DLGAP4: variants seen among roughly 807,000 people sequenced by gnomAD.
DLGAP4 encodes DLG associated protein 4, also known as disks large-associated protein 4.
In DLGAP4, 18 loss-of-function variants were observed where a neutral mutation model predicts 86.9. That is an observed-to-expected ratio of 0.21 (90% CI 0.14 to 0.31). The LOEUF is 0.31. Among genes scored for constraint, DLGAP4 ranks in the 10% least tolerant of loss-of-function variants. The pLI is 1.00. For missense variants in DLGAP4, 1,085 were observed against 1,362.6 expected (o/e 0.80, Z 3.21); for synonymous variants, 548 against 574.3 (o/e 0.95, Z 0.65).
intron 7 of DLGAP4, among the ~76,000 whole-genome samples, chr20:36,450,930 A>G (rs965576114): frequency 1.3e-5 from 2 of 152,220 alleles, no homozygotes; most frequent in East Asian, 1.9e-4. Flanking sequence ...TTGATCTTCT[A>G]GTCTACTGTT....
intron 7 of DLGAP4, among the ~76,000 whole-genome samples, chr20:36,464,028 C>T (rs2034226026): frequency 6.6e-6 from 1 of 152,218 alleles, no homozygotes; most frequent in African/African-American, 2.4e-5. Context: ...TGTATAATGA[C>T]AATCTCTAAC....
chr20:36,435,048 G>C (rs899740667), intron 3 of DLGAP4, among the ~76,000 whole-genome samples: 2 of 151,946 alleles, frequency 1.3e-5, no homozygotes, highest in African/African-American at 4.8e-5. Context: ...TGGGAAGGTG[G>C]GTGTGCTCTG....
intron 1 of DLGAP4, among the ~76,000 whole-genome samples, chr20:36,320,713 C>T (rs2065159552): frequency 6.6e-6 from 1 of 152,158 alleles, no homozygotes; most frequent in South Asian, 2.1e-4. Flanking sequence ...TGCCCACCTG[C>T]CTGGGACCTC....
chr20:36,432,820 G>C lies in DLGAP4; in HGVS notation c.999+104G>C. The C allele has an allele frequency of 7.0e-7, 1 of 1,422,296 alleles. No homozygotes were observed. Among genetic ancestry groups the C allele is most frequent in the South Asian group, 1.4e-5 (1 of 72,968 alleles). The allele number at this position is 1,422,296 out of a possible 1,614,324, so 88.1% of individuals were successfully genotyped here. A position where few individuals can be genotyped will look rare whatever the true frequency, so the allele number is the denominator to read the frequency against. On this transcript the variant is annotated intron_variant, in intron 3 of 12. Coordinates refer to ENST00000339266, the MANE Select transcript of DLGAP4 (RefSeq NM_001365621.2). The surrounding 1 kb of genome is among the most constrained non-coding windows in gnomAD (Gnocchi z 6.5). ...TTCACTTGGAAAGTCACTTCATTCT[G>C]GGCCTCTGTGGCTCAGCTATAAAAT...
intron 7 of DLGAP4, among the ~76,000 whole-genome samples, chr20:36,452,164 C>A (rs139305282): frequency 6.6e-6 from 1 of 152,208 alleles, no homozygotes; most frequent in Non-Finnish European, 1.5e-5. Flanking sequence ...TTCCTCTAAA[C>A]GCTCCTTGAA....
At chr20:36,447,907 G>C (rs946092043) in intron 7 of DLGAP4, among the ~76,000 whole-genome samples, 3 of 130,188 alleles carry the variant, frequency 2.3e-5, no homozygotes, top group African/African-American at 2.8e-5. Context: ...GGGGTGGGGG[G>C]GGGGGAGACA....
At chr20:36,505,065 G>A (rs982568564) in intron 10 of DLGAP4, among the ~76,000 whole-genome samples, 1 of 151,072 alleles carries the variant, frequency 6.6e-6, no homozygotes, top group Non-Finnish European at 1.5e-5. Flanking sequence ...TTGGCTCACT[G>A]CAACCTCCGC....
chr20:36,505,063 C>T (rs2036303030), intron 10 of DLGAP4, among the ~76,000 whole-genome samples: 1 of 151,936 alleles, frequency 6.6e-6, no homozygotes, highest in South Asian at 2.1e-4. Flanking sequence ...TCTTGGCTCA[C>T]TGCAACCTCC....
intron 1 of DLGAP4, among the ~76,000 whole-genome samples, chr20:36,365,013 T>G (rs1555894523): frequency 1.3e-5 from 2 of 152,216 alleles, no homozygotes; most frequent in Non-Finnish European, 2.9e-5. Flanking sequence ...GAGGGTCGCT[T>G]GAGCCCAGAA....
At chr20:36,404,198 C>T (rs535358508) in intron 2 of DLGAP4, among the ~76,000 whole-genome samples, 186 of 152,318 alleles carry the variant, frequency 1.2e-3, no homozygotes, top group African/African-American at 4.2e-3. Context: ...GATGTCCACT[C>T]TAAACCTCAG....
At chr20:36,315,048 GCGCCCCCCC>G (rs1569451845) in intron 1 of DLGAP4, among the ~76,000 whole-genome samples, 18 of 4,314 alleles carry the variant, frequency 4.2e-3, no homozygotes, top group Middle Eastern at 0.12. Flanking sequence ...GTGGTGTGTT[GCGCCCCCCC>G]GTGTGTGGTG....
chr20:36,325,719 CTTT>C (rs150878228), intron 1 of DLGAP4, among the ~76,000 whole-genome samples: 1 of 142,338 alleles, frequency 7.0e-6, no homozygotes. Flanking sequence ...ACAAAATATA[CTTT>C]TTTTTTTTTT....
At chr20:36,481,313 A>C (rs1250344593) in intron 7 of DLGAP4, among the ~76,000 whole-genome samples, 1 of 152,048 alleles carries the variant, frequency 6.6e-6, no homozygotes, top group Admixed American at 6.6e-5. Context: ...TTGTAGTGTG[A>C]CCCTCTGGGG....
At chr20:36,385,221 G>A (rs972677753) in intron 2 of DLGAP4, among the ~76,000 whole-genome samples, 1 of 152,138 alleles carries the variant, frequency 6.6e-6, no homozygotes, top group Non-Finnish European at 1.5e-5. Flanking sequence ...CTGTGTGTCA[G>A]AGACCCAAGA....
At chr20:36,524,150 TCTACCCTAA>T in intron 10 of DLGAP4, 91 bp from the exon 11 acceptor site, 1 of 892,326 alleles carries the variant, frequency 1.1e-6, no homozygotes, top group Non-Finnish European at 1.9e-6. Context: ...AATAATGAGT[TCTACCCTAA>T]GGGAGTGTGG....
intron 2 of DLGAP4, among the ~76,000 whole-genome samples, chr20:36,406,672 G>A (rs1444054816): frequency 2.0e-5 from 3 of 152,128 alleles, no homozygotes; most frequent in Non-Finnish European, 4.4e-5. Context: ...GGTTCCCAAC[G>A]CTAGAACACA....
chr20:36,348,326 T>G (rs2147384630), intron 1 of DLGAP4, among the ~76,000 whole-genome samples: 1 of 152,356 alleles, frequency 6.6e-6, no homozygotes, highest in East Asian at 1.9e-4. Context: ...AAATATTTAG[T>G]AAGCATTTAC....
chr20:36,346,036 T>A (rs534010855), intron 1 of DLGAP4, among the ~76,000 whole-genome samples: 1 of 152,294 alleles, frequency 6.6e-6, no homozygotes, highest in East Asian at 1.9e-4. Context: ...GGACTACAGG[T>A]GTGAGCCACC....
intron 2 of DLGAP4, among the ~76,000 whole-genome samples, chr20:36,373,789 T>A (rs1005211415): frequency 6.6e-6 from 1 of 152,162 alleles, no homozygotes; most frequent in South Asian, 2.1e-4. Flanking sequence ...TCCCAGCACT[T>A]TGGGAGGCCA....
Sources: gnomAD v4.1 joint callset for allele counts (sites outside exome capture counted in the v4.1 genomes callset) on GRCh38, gnomAD v4.1.1 for gene constraint, Gnocchi (gnomAD v3.1) non-coding constraint, MANE v1.5 for transcripts, NCBI Gene and HGNC (gene_info 2026-07-23, HGNC 2026-07-21) for gene names.